ACCSL: variants seen among roughly 807,000 people sequenced by gnomAD.
ACCSL encodes the protein probable inactive 1-aminocyclopropane-1-carboxylate synthase-like protein 2.
A neutral mutation model predicts 61.7 loss-of-function variants in ACCSL; 55 were observed. The observed-to-expected ratio is 0.89, with a 90% CI of 0.72 to 1.12. ACCSL has a LOEUF of 1.12. Among genes scored for constraint, ACCSL ranks in the 50% most tolerant of loss-of-function variants. The pLI, the probability that ACCSL is intolerant of heterozygous loss-of-function variation, is 0.00. For missense variants in ACCSL, 632 were observed against 698.0 expected (o/e 0.91, Z 1.07); for synonymous variants, 258 against 264.3 (o/e 0.98, Z 0.23).
At chr11:44,049,916 G>A in intron 1 of ACCSL, 146 bp from the exon 2 acceptor site, 1 of 1,080,238 alleles carries the variant, frequency 9.3e-7, no homozygotes. Flanking sequence ...TGGGTTCATG[G>A]AAAGCTTTCC....
At chr11:44,039,717 A>G in the ACCSL span, among the ~76,000 whole-genome samples, 2 of 152,240 alleles carry the variant, frequency 1.3e-5, no homozygotes, top group South Asian at 4.1e-4. Flanking sequence ...TTGGAATCCT[A>G]CTGATGTGGA....
At chr11:44,008,686 C>A in the ACCSL span, among the ~76,000 whole-genome samples, 101 of 152,332 alleles carry the variant, frequency 6.6e-4, 1 homozygote, top group South Asian at 0.02. Flanking sequence ...TTCACTGCAG[C>A]GATGATAACA....
chr11:43,924,218 C>G, the ACCSL span, among the ~76,000 whole-genome samples: 1 of 152,212 alleles, frequency 6.6e-6, no homozygotes, highest in Non-Finnish European at 1.5e-5. Flanking sequence ...ACTGAAGTAC[C>G]CAGAGGATTT....
In ACCSL at chr11:44,048,556, G is replaced by C. The variant is rs1322583178; in HGVS notation, c.504+16G>C. The C allele has an allele frequency of 1.7e-5, 4 of 229,694 alleles. No homozygotes were observed. The highest frequency in any genetic ancestry group is 1.3e-4 in the East Asian group (1 of 7,710). The allele number at this position is 229,694 out of a possible 1,614,324, so 14.2% of individuals were successfully genotyped here. The stretch of plus-strand genomic sequence containing the variant: ...GAACACCTTGGTGAGAATTTGGGGT[G>C]GGGGGTGGGCAGCATCCTCACGGGC... On this transcript the variant is annotated intron_variant, in intron 1 of 13. Transcript: ENST00000378832.
rs1952658088 is a variant in ACCSL at position 44,054,404 on chromosome 11, T to C, written c.1050-798T>C. 3.3e-5 allele frequency among the ~76,000 whole-genome samples: 5 copies of C among 152,036 alleles called. No individual in the cohort carries two copies. The South Asian group carries it at 1.0e-3, about 32-fold the overall frequency. ...TATAGCAGCTGCTAATTGAGGGAATTGACTTTACAGCTCAGAACCTTAGTT... is the reference window on the plus strand; with the variant it reads ...TATAGCAGCTGCTAATTGAGGGAATCGACTTTACAGCTCAGAACCTTAGTT... On this transcript the variant is annotated intron_variant, in intron 8 of 13. Transcript: ENST00000378832.
the ACCSL span, among the ~76,000 whole-genome samples, chr11:43,932,392 C>T: frequency 2.6e-5 from 4 of 152,190 alleles, no homozygotes; most frequent in Non-Finnish European, 4.4e-5. Flanking sequence ...CCTAGCCCCC[C>T]GAGCAGCTGG....
chr11:43,987,935 C>T, the ACCSL span, among the ~76,000 whole-genome samples: 1 of 152,054 alleles, frequency 6.6e-6, no homozygotes, highest in African/African-American at 2.4e-5. Flanking sequence ...CCCCACCCCC[C>T]CGCAGGGAAT....
At chr11:43,933,418 G>T in the ACCSL span, 1 of 275,146 alleles carries the variant, frequency 3.6e-6, no homozygotes, top group East Asian at 8.1e-5. Context: ...GCCGCTGGCT[G>T]TGTGACCTTG....
At chr11:44,040,402 C>T in the ACCSL span, among the ~76,000 whole-genome samples, 1 of 152,232 alleles carries the variant, frequency 6.6e-6, no homozygotes, top group South Asian at 2.1e-4. Context: ...GAGTGGTTCT[C>T]CCTGGGTGGG....
chr11:43,964,620 A>C, the ACCSL span, among the ~76,000 whole-genome samples: 1 of 152,198 alleles, frequency 6.6e-6, no homozygotes, highest in Non-Finnish European at 1.5e-5. Context: ...GGCCAGCATT[A>C]ACCTGATACC....
the ACCSL span, among the ~76,000 whole-genome samples, chr11:43,940,314 A>G: frequency 1.3e-5 from 2 of 151,310 alleles, no homozygotes; most frequent in East Asian, 3.9e-4. Context: ...AAATTGGAGC[A>G]TGCATTAAGA....
Position 44,051,647 on chromosome 11 carries a change from C to T in ACCSL, c.706-6C>T. 1 of 1,614,136 alleles carries T rather than the reference C, an allele frequency of 6.2e-7. No individual in the cohort carries two copies. The highest frequency in any genetic ancestry group is 1.1e-5 in the South Asian group (1 of 91,074). ...TTGACTTCTGCCTCTCATGTGTTGT[C>T]TTCAGGTGGTGGTTCTAAATGGCTG... is the stretch of plus-strand genomic sequence containing the variant. On this transcript the variant is annotated splice_polypyrimidine_tract_variant and splice_region_variant and intron_variant, in intron 4 of 13. Transcript: ENST00000378832.
At chr11:44,027,012 G>A in the ACCSL span, among the ~76,000 whole-genome samples, 2 of 152,216 alleles carry the variant, frequency 1.3e-5, no homozygotes, top group East Asian at 3.9e-4. Context: ...ACAGGCGTGA[G>A]CCACCGCACC....
chr11:43,954,748 C>A, the ACCSL span, among the ~76,000 whole-genome samples: 1 of 152,242 alleles, frequency 6.6e-6, no homozygotes, highest in South Asian at 2.1e-4. Context: ...CCACACCCGG[C>A]TAATTTTGTA....
the ACCSL span, among the ~76,000 whole-genome samples, chr11:43,922,445 A>G: frequency 6.6e-6 from 1 of 152,230 alleles, no homozygotes; most frequent in African/African-American, 2.4e-5. Context: ...ACAGCTGACC[A>G]CAGGCCACCT....
At position 44,048,024 on chromosome 11, in the gene ACCSL, A is replaced by G. The variant is rs369854677; in HGVS notation, c.-13A>G. Reference sequence around the variant, plus strand: ...CCAGGCAGCCTTCAGAGGCCAGTAAAGATACCCGGAGTATGAGTCATCGGT... The same window carrying G: ...CCAGGCAGCCTTCAGAGGCCAGTAAGGATACCCGGAGTATGAGTCATCGGT... On this transcript the variant is annotated 5_prime_UTR_variant, in exon 1 of 14. Coordinates refer to ENST00000378832, the MANE Select transcript of ACCSL (RefSeq NM_001031854.2). The G allele has an allele frequency of 3.1e-6, 5 of 1,599,292 alleles. No individual in the cohort carries two copies. Among genetic ancestry groups the G allele is most frequent in the Non-Finnish European group, 3.4e-6 (4 of 1,168,316 alleles).
At chr11:44,040,787 T>TC in the ACCSL span, among the ~76,000 whole-genome samples, 9,055 of 152,080 alleles carry the variant, frequency 0.06, 499 homozygotes, top group African/African-American at 0.14. Flanking sequence ...TGAGGTAGGG[T>TC]CCCTCATGGA....
chr11:44,042,444 C>A, the ACCSL span, among the ~76,000 whole-genome samples: 2 of 152,002 alleles, frequency 1.3e-5, no homozygotes, highest in South Asian at 4.2e-4. Context: ...TCAAAATAGT[C>A]TTTAGTCCTT....
At chr11:43,942,994 G>C in the ACCSL span, 2 of 1,504,878 alleles carry the variant, frequency 1.3e-6, no homozygotes, top group Non-Finnish European at 1.8e-6. Context: ...ACGAGTTCCC[G>C]CAGCCCGTGC....
Sources: allele counts gnomAD v4.1 joint callset (sites outside exome capture counted in the v4.1 genomes callset), GRCh38; gene constraint gnomAD v4.1.1; transcripts MANE v1.5; gene names NCBI Gene and HGNC (gene_info 2026-07-23, HGNC 2026-07-21).